Variants in RGS7BP observed in about 807,000 individuals in gnomAD.
The protein encoded by RGS7BP is regulator of G protein signaling 7 binding protein.
A neutral mutation model predicts 31.3 loss-of-function variants in RGS7BP; 9 were observed. The ratio of observed to expected loss-of-function variants is 0.29; its 90% confidence interval spans 0.17 to 0.50. The LOEUF is 0.50. RGS7BP is among the 20% of genes least tolerant of loss of function. The probability of loss-of-function intolerance (pLI) is 0.98; values close to 1 mark genes in which losing one functional copy is unlikely to be tolerated. For synonymous variants in RGS7BP, 115 were observed against 120.1 expected (o/e 0.96, Z 0.28); for missense variants, 274 against 322.0 (o/e 0.85, Z 1.14).
intron 2 of RGS7BP, among the ~76,000 whole-genome samples, chr5:64,516,275 T>G (rs903472987): frequency 1.2e-4 from 19 of 152,186 alleles, no homozygotes; most frequent in Admixed American, 7.9e-4. Context: ...CCTCGTATTC[T>G]TCAGTCACTG....
intron 5 of RGS7BP, among the ~76,000 whole-genome samples, chr5:64,605,591 G>T (rs907039615): frequency 6.6e-6 from 1 of 152,146 alleles, no homozygotes; most frequent in African/African-American, 2.4e-5. Context: ...TTTACTGCAG[G>T]TGTCAGCTCC....
In RGS7BP at chr5:64,610,115, T is replaced by A. The variant is rs1350741554; in HGVS notation, c.*863T>A. ...GTCTGCACATCAGCATAGTGTTAAA[T>A]CTTATAGGGCATGCTGGAATTAGCT... On this transcript the variant is annotated 3_prime_UTR_variant, in exon 6 of 6. Coordinates refer to ENST00000334025, the MANE Select transcript of RGS7BP (RefSeq NM_001029875.3). 6.6e-6 allele frequency: 1 copy of A among 152,428 alleles called. No homozygotes were observed. The highest frequency in any genetic ancestry group is 1.5e-5 in the Non-Finnish European group (1 of 67,932). 9.4% of individuals were successfully genotyped at this position (152,428 alleles called of 1,614,324 possible). A position where few individuals can be genotyped will look rare whatever the true frequency, so the allele number is the denominator to read the frequency against.
chr5:64,588,512 T>C (rs1742820137), intron 3 of RGS7BP, among the ~76,000 whole-genome samples: 1 of 152,160 alleles, frequency 6.6e-6, no homozygotes, highest in Non-Finnish European at 1.5e-5. Context: ...TTTGGCCCTT[T>C]TGCTCCTCAC....
At chr5:64,605,128 T>G (rs1743320981) in intron 5 of RGS7BP, among the ~76,000 whole-genome samples, 1 of 152,148 alleles carries the variant, frequency 6.6e-6, no homozygotes, top group African/African-American at 2.4e-5. Context: ...TCTCCTGTGC[T>G]TTACTTACTC....
chr5:64,512,998 G>C (rs1561318340), intron 2 of RGS7BP, among the ~76,000 whole-genome samples: 1 of 152,210 alleles, frequency 6.6e-6, no homozygotes, highest in South Asian at 2.1e-4. Flanking sequence ...CAAAATGACA[G>C]TGTTACATTG....
chr5:64,523,052 A>G (rs1406438515), intron 2 of RGS7BP, among the ~76,000 whole-genome samples: 1 of 152,236 alleles, frequency 6.6e-6, no homozygotes, highest in African/African-American at 2.4e-5. Flanking sequence ...TTTGGGAACT[A>G]TGCTGACTAA....
chr5:64,525,339 T>G (rs576265180), intron 2 of RGS7BP, among the ~76,000 whole-genome samples: 93 of 152,354 alleles, frequency 6.1e-4, no homozygotes, highest in Non-Finnish European at 1.2e-3. Context: ...TGGGACTGTA[T>G]TCCTTCCTAG....
rs1486428696 is a variant in RGS7BP at position 64,611,193 on chromosome 5, T to G, written c.*1941T>G. 1 of 151,948 alleles carries G rather than the reference T, an allele frequency of 6.6e-6. No individual in the cohort carries two copies. The highest frequency in any genetic ancestry group is 1.5e-5 in the Non-Finnish European group (1 of 67,896). The allele number at this position is 151,948 out of a possible 1,614,324, so 9.4% of individuals were successfully genotyped here. ...ATCCTTTCCTGAATCTAATTCATTT[T>G]CACCCACTAAGGTCATTTCATTTAA... On this transcript the variant is annotated 3_prime_UTR_variant, in exon 6 of 6. Coordinates refer to ENST00000334025, the MANE Select transcript of RGS7BP (RefSeq NM_001029875.3).
chr5:64,602,856 G>A (rs1580472774), intron 5 of RGS7BP, among the ~76,000 whole-genome samples: 1 of 152,146 alleles, frequency 6.6e-6, no homozygotes, highest in East Asian at 1.9e-4. Flanking sequence ...GGATTATTAG[G>A]GATTGCTTTT....
chr5:64,577,754 C>A (rs532292720), intron 3 of RGS7BP, among the ~76,000 whole-genome samples: 5 of 152,310 alleles, frequency 3.3e-5, no homozygotes, highest in African/African-American at 9.6e-5. Context: ...TACACACACA[C>A]AAACATGTAC....
chr5:64,541,568 A>C (rs1741526690), intron 2 of RGS7BP, among the ~76,000 whole-genome samples: 1 of 152,218 alleles, frequency 6.6e-6, no homozygotes, highest in Non-Finnish European at 1.5e-5. Flanking sequence ...CCTGGTCATC[A>C]CCATAGGGTA....
intron 3 of RGS7BP, among the ~76,000 whole-genome samples, chr5:64,591,654 G>T (rs1742918934): frequency 6.6e-6 from 1 of 151,986 alleles, no homozygotes; most frequent in African/African-American, 2.4e-5. Context: ...CATAAATATT[G>T]GCATATTGTG....
intron 2 of RGS7BP, among the ~76,000 whole-genome samples, chr5:64,511,972 TCTCATGCTCCCTGGTCTTGTA>T (rs1748850531): frequency 6.6e-6 from 1 of 152,156 alleles, no homozygotes; most frequent in African/African-American, 2.4e-5. Context: ...GGGACTTGGA[TCTCATGCTCCCTGGTCTTGTA>T]CCTGTTCCAT....
At chr5:64,576,066 T>C (rs980000132) in intron 3 of RGS7BP, among the ~76,000 whole-genome samples, 162 bp downstream of exon 3, 1 of 152,244 alleles carries the variant, frequency 6.6e-6, no homozygotes, top group African/African-American at 2.4e-5. Context: ...AAGAAGTCTA[T>C]ATCAGTACTA....
At chr5:64,531,502 T>G (rs950727524) in intron 2 of RGS7BP, among the ~76,000 whole-genome samples, 2 of 152,198 alleles carry the variant, frequency 1.3e-5, no homozygotes, top group African/African-American at 2.4e-5. Flanking sequence ...CTCATTCATT[T>G]TCTAATCTAG....
At chr5:64,542,848 A>T (rs981755600) in intron 2 of RGS7BP, among the ~76,000 whole-genome samples, 1 of 152,354 alleles carries the variant, frequency 6.6e-6, no homozygotes, top group Non-Finnish European at 1.5e-5. Flanking sequence ...TATTAAGTAC[A>T]TGATGCTTGT....
intron 2 of RGS7BP, among the ~76,000 whole-genome samples, chr5:64,539,353 G>C (rs116457844): frequency 0.013 from 1,967 of 152,236 alleles, 45 homozygotes; most frequent in African/African-American, 0.044. Context: ...GTTTTTCACA[G>C]AGCAAATTTT....
intron 3 of RGS7BP, among the ~76,000 whole-genome samples, chr5:64,582,107 G>C (rs1742615897): frequency 6.6e-6 from 1 of 152,180 alleles, no homozygotes; most frequent in South Asian, 2.1e-4. Flanking sequence ...TAATTTCTAT[G>C]TTTATGGTGA....
chr5:64,607,015 G>A (rs771242194), intron 5 of RGS7BP, among the ~76,000 whole-genome samples: 79 of 152,140 alleles, frequency 5.2e-4, no homozygotes, highest in African/African-American at 3.6e-4. Flanking sequence ...TATGCCCAGC[G>A]GAGGCACCTG....
Sources: allele counts gnomAD v4.1 joint callset (sites outside exome capture counted in the v4.1 genomes callset), GRCh38; gene constraint gnomAD v4.1.1; transcripts MANE v1.5; gene names NCBI Gene and HGNC (gene_info 2026-07-23, HGNC 2026-07-21).